The following DOCK4 variants were observed in gnomAD, a reference collection of about 807,000 sequenced individuals.
DOCK4 encodes the protein dedicator of cytokinesis protein 4.
In DOCK4, 97 loss-of-function variants were observed where a neutral mutation model predicts 268.1. The observed-to-expected ratio is 0.36, with a 90% CI of 0.31 to 0.43. The LOEUF (loss-of-function observed/expected upper bound fraction) is 0.43, where lower values mean the gene tolerates loss of function less well. DOCK4 is among the 20% of genes least tolerant of loss of function. The pLI, the probability that DOCK4 is intolerant of heterozygous loss-of-function variation, is 1.00. For synonymous variants in DOCK4, 954 were observed against 887.2 expected, an observed-to-expected ratio of 1.08 and a Z score of -1.34; for missense variants, 2,145 against 2,455.7, an observed-to-expected ratio of 0.87 and a Z score of 2.67.
At chr7:112,025,588 T>C (rs1464950429) in intron 1 of DOCK4, among the ~76,000 whole-genome samples, 4 of 151,982 alleles carry the variant, frequency 2.6e-5, no homozygotes, top group Admixed American at 1.3e-4. Context: ...GGTGCCGGTA[T>C]GACCTATCCA....
intron 1 of DOCK4, among the ~76,000 whole-genome samples, chr7:112,157,167 T>C (rs969628791): frequency 2.6e-5 from 4 of 152,268 alleles, no homozygotes; most frequent in South Asian, 2.1e-4. Flanking sequence ...TAGTCATCTT[T>C]CTTTCCCGTC....
At chr7:111,729,018 G>A (rs1383391725) in intron 52 of DOCK4, among the ~76,000 whole-genome samples, 1 of 152,142 alleles carries the variant, frequency 6.6e-6, no homozygotes, top group Non-Finnish European at 1.5e-5. Context: ...AGGCCTCGGG[G>A]AAACCAAGGC....
chr7:111,926,855 AAGAG>A (rs372911130), intron 12 of DOCK4, among the ~76,000 whole-genome samples: 2 of 149,374 alleles, frequency 1.3e-5, no homozygotes, highest in East Asian at 3.9e-4. Context: ...GAAAGAGAAA[AAGAG>A]AGAGAGAGAG....
At chr7:112,132,327 G>A (rs185187175) in intron 1 of DOCK4, among the ~76,000 whole-genome samples, 2 of 152,186 alleles carry the variant, frequency 1.3e-5, no homozygotes, top group African/African-American at 2.4e-5. Flanking sequence ...AAGCAGAAAC[G>A]AATCCTTTTG....
intron 11 of DOCK4, among the ~76,000 whole-genome samples, chr7:111,938,587 C>T (rs1436206573): frequency 6.6e-6 from 1 of 152,058 alleles, no homozygotes; most frequent in African/African-American, 2.4e-5. Context: ...GGGCCAAACC[C>T]ATGTGCATTT....
intron 32 of DOCK4, among the ~76,000 whole-genome samples, chr7:111,787,857 T>C (rs563185634): frequency 3.3e-5 from 5 of 152,368 alleles, no homozygotes; most frequent in African/African-American, 1.2e-4. Flanking sequence ...CAAATTCTTC[T>C]TTCAAAAAGA....
At chr7:111,907,266 T>G (rs1052612688) in intron 13 of DOCK4, among the ~76,000 whole-genome samples, 3 of 152,230 alleles carry the variant, frequency 2.0e-5, no homozygotes, top group Non-Finnish European at 2.9e-5. Flanking sequence ...GATACTGAAC[T>G]CTTTTGGGAG....
At chr7:111,732,521 TATG>T in intron 51 of DOCK4, 1 of 566,528 alleles carries the variant, frequency 1.8e-6, no homozygotes, top group Non-Finnish European at 3.2e-6. Context: ...TCATGGCATA[TATG>T]ATGCTTTGAC....
chr7:112,181,255 C>T (rs113531723), intron 1 of DOCK4, among the ~76,000 whole-genome samples: 1,801 of 152,232 alleles, frequency 0.012, 33 homozygotes, highest in African/African-American at 0.039. Context: ...AGAAATTCCA[C>T]ACTGAAGTCC....
chr7:111,876,342 G>A (rs910275047), intron 17 of DOCK4, among the ~76,000 whole-genome samples: 4 of 152,136 alleles, frequency 2.6e-5, no homozygotes, highest in African/African-American at 4.8e-5. Flanking sequence ...CTCTGACACA[G>A]AAGAAGGAAC....
chr7:112,125,810 T>TG (rs992374968), intron 1 of DOCK4, among the ~76,000 whole-genome samples: 2 of 152,108 alleles, frequency 1.3e-5, no homozygotes, highest in African/African-American at 4.8e-5. Context: ...ACTATTTTTT[T>TG]GTTTTTTGTT....
At chr7:112,204,419 G>C (rs1345639624) in intron 1 of DOCK4, among the ~76,000 whole-genome samples, 12 of 152,170 alleles carry the variant, frequency 7.9e-5, no homozygotes, top group Non-Finnish European at 4.4e-5. Flanking sequence ...ATGCCCTCGG[G>C]TCCCTCACCA....
At chr7:111,850,353 T>C (rs747177487) in intron 23 of DOCK4, among the ~76,000 whole-genome samples, 18 of 150,898 alleles carry the variant, frequency 1.2e-4, no homozygotes, top group Admixed American at 2.0e-4. Flanking sequence ...CCCACCCGAC[T>C]CTGTTCCTTG....
rs115816466 is a variant in DOCK4, at chr7:112,063,340, G to A, written c.38-59209C>T. On this transcript the variant is annotated intron_variant, in intron 1 of 52. Coordinates refer to ENST00000428084, the MANE Select transcript of DOCK4 (RefSeq NM_001363540.2). Reference sequence around the variant, plus strand: ...ATACAGATGCTCCTCATTTTATGATGGGGTTCAGTCCTGATAAACCCATTG... The same window carrying A: ...ATACAGATGCTCCTCATTTTATGATAGGGTTCAGTCCTGATAAACCCATTG... Among the ~76,000 whole-genome samples the A allele has an allele frequency of 6.6e-3, 1,004 of 152,222 alleles. 12 individuals are homozygous for A. Among genetic ancestry groups the A allele is most frequent in the African/African-American group, 0.023 (936 of 41,542 alleles).
At chr7:111,746,265 G>C in intron 44 of DOCK4, 69 bp downstream of exon 44, 2 of 1,287,756 alleles carry the variant, frequency 1.6e-6, no homozygotes, top group Non-Finnish European at 1.1e-6. Context: ...AAACCATGCA[G>C]AGGGGGCTCT....
chr7:112,028,637 G>C (rs548962367), intron 1 of DOCK4, among the ~76,000 whole-genome samples: 1 of 152,270 alleles, frequency 6.6e-6, no homozygotes, highest in East Asian at 1.9e-4. Context: ...CAACAACTTG[G>C]ATCAAGCAAA....
At chr7:111,806,394 T>C (rs1443203656) in intron 30 of DOCK4, among the ~76,000 whole-genome samples, 1 of 152,214 alleles carries the variant, frequency 6.6e-6, no homozygotes, top group East Asian at 1.9e-4. Flanking sequence ...TTCTAGCTAT[T>C]GCACAACAGC....
At chr7:111,828,290 CAAGT>C (rs1802554058) in intron 26 of DOCK4, among the ~76,000 whole-genome samples, 3 of 152,186 alleles carry the variant, frequency 2.0e-5, no homozygotes, top group African/African-American at 4.8e-5. Context: ...CTCTCACACA[CAAGT>C]AAGAACCTAA....
intron 6 of DOCK4, among the ~76,000 whole-genome samples, chr7:111,988,117 T>C (rs1046983495): frequency 9.2e-5 from 14 of 152,198 alleles, no homozygotes; most frequent in Admixed American, 9.2e-4. Context: ...TTACCCATGG[T>C]TCACTTCCTG....
Sources: allele counts gnomAD v4.1 joint callset (sites outside exome capture counted in the v4.1 genomes callset), GRCh38; gene constraint gnomAD v4.1.1; transcripts MANE v1.5; gene names NCBI Gene and HGNC (gene_info 2026-07-23, HGNC 2026-07-21).